The following HEBP2 variants were observed in gnomAD, a reference collection of about 807,000 sequenced individuals.
The protein encoded by HEBP2 is heme binding protein 2, also known as heme-binding protein 2.
HEBP2 carries 27 observed loss-of-function variants against 23.1 expected under a neutral mutation model. The observed-to-expected ratio is 1.17, with a 90% CI of 0.86 to 1.61. The LOEUF (loss-of-function observed/expected upper bound fraction) is 1.61, where lower values mean the gene tolerates loss of function less well. Among genes scored for constraint, HEBP2 ranks in the 40% most tolerant of loss-of-function variants. The pLI is 0.00. For synonymous variants in HEBP2, 99 were observed against 95.1 expected (o/e 1.04, Z -0.24); for missense variants, 245 against 253.8 (o/e 0.97, Z 0.24).
chr6:138,412,175 C>T (rs549635290), intron 3 of HEBP2: 53 of 382,876 alleles, frequency 1.4e-4, no homozygotes, highest in African/African-American at 9.4e-4. Context: ...TCAGCAGCAC[C>T]GGCATGGATG....
chr6:138,415,248 TG>T lies in HEBP2; in HGVS notation c.*2172del, dbSNP rs1259441247. The T allele has an allele frequency of 6.6e-6, 1 of 152,154 alleles. No individual in the cohort carries two copies. Among genetic ancestry groups the T allele is most frequent in the Admixed American group, 6.5e-5 (1 of 15,274 alleles). The allele number at this position is 152,154 out of a possible 1,614,324, so 9.4% of individuals were successfully genotyped here. A position where few individuals can be genotyped will look rare whatever the true frequency, so the allele number is the denominator to read the frequency against. On this transcript the variant is annotated 3_prime_UTR_variant, in exon 4 of 4. Coordinates refer to ENST00000607197, the MANE Select transcript of HEBP2 (RefSeq NM_014320.3). The stretch of plus-strand genomic sequence containing the variant: ...TCCTAACTCCATCTCAGCCTAAAAT[TG>T]GCACAATTGGTACCAGTGGCCCACG...
In HEBP2 at chr6:138,416,233, A is replaced by C. The variant is rs1346216751; in HGVS notation, c.*3155A>C. ...TCAGGATAGAGGATTTCACACCATG[A>C]GAAAAATGCCAGGAGATAATACAGA... On this transcript the variant is annotated 3_prime_UTR_variant, in exon 4 of 4. Coordinates refer to ENST00000607197, the MANE Select transcript of HEBP2 (RefSeq NM_014320.3). 6.6e-6 allele frequency: 1 copy of C among 152,308 alleles called. No homozygotes were observed. Among genetic ancestry groups the C allele is most frequent in the African/African-American group, 2.4e-5 (1 of 41,464 alleles). The allele number at this position is 152,308 out of a possible 1,614,324, so 9.4% of individuals were successfully genotyped here.
rs766368001 is a variant in HEBP2, at chr6:138,417,015, G to T, written c.*3937G>T. On this transcript the variant is annotated 3_prime_UTR_variant, in exon 4 of 4. Coordinates refer to ENST00000607197, the MANE Select transcript of HEBP2 (RefSeq NM_014320.3). ...AGGATCTATGGCCATTTACTCAGGT[G>T]GCTCTACCCTGGGGAAAGAGGAATA... is the stretch of plus-strand genomic sequence containing the variant. 6.6e-6 allele frequency: 1 copy of T among 152,098 alleles called. No individual in the cohort carries two copies. The highest frequency in any genetic ancestry group is 1.5e-5 in the Non-Finnish European group (1 of 68,040). 9.4% of individuals were successfully genotyped at this position (152,098 alleles called of 1,614,324 possible). A position where few individuals can be genotyped will look rare whatever the true frequency, so the allele number is the denominator to read the frequency against.
chr6:138,421,760 A>C lies in HEBP2; in HGVS notation c.*8682A>C, dbSNP rs1047786741. ...GTAAGAAGTTCTCACGTCTCTCCACATGCCACGTCATCTGAACCGCCAGGC... is the reference window on the plus strand; with the variant it reads ...GTAAGAAGTTCTCACGTCTCTCCACCTGCCACGTCATCTGAACCGCCAGGC... On this transcript the variant is annotated 3_prime_UTR_variant, in exon 4 of 4. Transcript: ENST00000607197. The C allele has an allele frequency of 1.3e-5, 2 of 152,182 alleles. No homozygotes were observed. Among genetic ancestry groups the C allele is most frequent in the Non-Finnish European group, 2.9e-5 (2 of 68,040 alleles). The allele number at this position is 152,182 out of a possible 1,614,324, so 9.4% of individuals were successfully genotyped here. A position where few individuals can be genotyped will look rare whatever the true frequency, so the allele number is the denominator to read the frequency against.
Position 138,421,266 on chromosome 6 carries a change from C to T in HEBP2, c.*8188C>T, listed in dbSNP as rs1774924375. 6.6e-6 allele frequency: 1 copy of T among 151,216 alleles called. No homozygotes were observed. Among genetic ancestry groups the T allele is most frequent in the African/African-American group, 2.4e-5 (1 of 41,136 alleles). The allele number at this position is 151,216 out of a possible 1,614,324, so 9.4% of individuals were successfully genotyped here. The stretch of plus-strand genomic sequence containing the variant: ...CCCTACTACGGCAGAACCAAGAAAG[C>T]CACTCTTTCCCCTCTCCTCCTAAGA... On this transcript the variant is annotated 3_prime_UTR_variant, in exon 4 of 4. Coordinates refer to ENST00000607197, the MANE Select transcript of HEBP2 (RefSeq NM_014320.3).
At chr6:138,405,388 A>C in intron 2 of HEBP2, 108 bp downstream of exon 2, 1 of 1,377,188 alleles carries the variant, frequency 7.3e-7, no homozygotes, top group Non-Finnish European at 1.0e-6. Context: ...AAAATAAGCA[A>C]GTCATCAAAG....
rs113854920 is a variant in HEBP2, at chr6:138,405,081, A to G, written c.103-64A>G. 912 of 1,562,156 alleles carry G rather than the reference A, an allele frequency of 5.8e-4. 5 individuals carry two copies. In the Middle Eastern group the frequency reaches 6.6e-3, roughly 11 times the overall value. ...GTCGACCCGAGATCATGGCACCGGT[A>G]TTTTTGCATCTCACTCCTACCCTCT... On this transcript the variant is annotated intron_variant, in intron 1 of 3. Transcript: ENST00000607197.
Position 138,416,769 on chromosome 6 carries a change from G to A in HEBP2, c.*3691G>A, listed in dbSNP as rs1357000721. 2 of 152,186 alleles carry A rather than the reference G, an allele frequency of 1.3e-5. No homozygotes were observed. The highest frequency in any genetic ancestry group is 4.8e-5 in the African/African-American group (2 of 41,444). The allele number at this position is 152,186 out of a possible 1,614,324, so 9.4% of individuals were successfully genotyped here. On this transcript the variant is annotated 3_prime_UTR_variant, in exon 4 of 4. Coordinates refer to ENST00000607197, the MANE Select transcript of HEBP2 (RefSeq NM_014320.3). ...CAAAAGAGCTGACTAATCAACAAGG[G>A]TAAGGCTTTATATATAATCAAAAGT... is the stretch of plus-strand genomic sequence containing the variant.
rs1774808085 is a variant in HEBP2 at position 138,414,474 on chromosome 6, G to A, written c.*1396G>A. The A allele has an allele frequency of 6.6e-6, 1 of 152,162 alleles. No homozygotes were observed. The highest frequency in any genetic ancestry group is 2.1e-4 in the South Asian group (1 of 4,826). 9.4% of individuals were successfully genotyped at this position (152,162 alleles called of 1,614,324 possible). On this transcript the variant is annotated 3_prime_UTR_variant, in exon 4 of 4. Coordinates refer to ENST00000607197, the MANE Select transcript of HEBP2 (RefSeq NM_014320.3). ...GTTTCTGGTACTTAATTGCTACTGT[G>A]GCCAAAGGATGGTCAGTTTTATTCA...
At chr6:138,408,707 C>A (rs949538325) in intron 3 of HEBP2, among the ~76,000 whole-genome samples, 3 of 150,544 alleles carry the variant, frequency 2.0e-5, no homozygotes, top group African/African-American at 7.5e-5. Context: ...TGTCATTTCT[C>A]CTGTCCCATT....
intron 3 of HEBP2, chr6:138,412,334 T>C (rs1774761010): frequency 4.3e-6 from 1 of 232,748 alleles, no homozygotes; most frequent in East Asian, 1.5e-4. Context: ...AATCCACCTG[T>C]CAACAGATGG....
At position 138,405,181 on chromosome 6, in the gene HEBP2, A is replaced by T. The variant is rs142901131; in HGVS notation, c.139A>T (p.Lys47Ter). ...SYEIRHYGPA[K>*]WVSTSVESMD... ...TGAGATCCGACACTATGGACCAGCC[A>T]AGTGGGTCAGCACGTCCGTGGAGTC... Residue 47 changes from lysine to a stop codon, truncating the protein, a stop_gained, in exon 2 of 4, where the codon AAG (lysine) becomes TAG (stop). Transcript: ENST00000607197. LOFTEE classifies it high-confidence loss of function. 4.3e-5 allele frequency: 69 copies of T among 1,614,072 alleles called. 1 individual carries two copies. In the Admixed American group the frequency reaches 9.2e-4, roughly 21 times the overall value.
intron 3 of HEBP2, among the ~76,000 whole-genome samples, chr6:138,406,905 C>T (rs946826827): frequency 1.3e-5 from 2 of 151,972 alleles, no homozygotes; most frequent in Admixed American, 6.6e-5. Flanking sequence ...GTGGCACATG[C>T]CTGTGGTCCC....
intron 3 of HEBP2, among the ~76,000 whole-genome samples, chr6:138,408,147 A>AG (rs1377552530): frequency 6.6e-6 from 1 of 152,156 alleles, no homozygotes; most frequent in African/African-American, 2.4e-5. Flanking sequence ...TCCTTATCAA[A>AG]GGGTTGCTTG....
chr6:138,419,523 C>A lies in HEBP2; in HGVS notation c.*6445C>A, dbSNP rs757184205. On this transcript the variant is annotated 3_prime_UTR_variant, in exon 4 of 4. Coordinates refer to ENST00000607197, the MANE Select transcript of HEBP2 (RefSeq NM_014320.3). Reference sequence around the variant, plus strand: ...CACCCAATCAGGGAGAGTTCGCCAGCGGTCATAGGATCCACTGCTCCTATC... The same window carrying A: ...CACCCAATCAGGGAGAGTTCGCCAGAGGTCATAGGATCCACTGCTCCTATC... 6.6e-6 allele frequency: 1 copy of A among 151,814 alleles called. No homozygotes were observed. The highest frequency in any genetic ancestry group is 2.4e-5 in the African/African-American group (1 of 41,106). The allele number at this position is 151,814 out of a possible 1,614,324, so 9.4% of individuals were successfully genotyped here.
chr6:138,412,774 C>T lies in HEBP2; in HGVS notation c.420-106C>T, dbSNP rs895282663. ...TGGCCGAGAGGGAGTAACTTTGGAG[C>T]TGCACTTCACTCAGCATTCACGGTA... On this transcript the variant is annotated intron_variant, in intron 3 of 3. Coordinates refer to ENST00000607197, the MANE Select transcript of HEBP2 (RefSeq NM_014320.3). 1.7e-5 allele frequency: 16 copies of T among 928,704 alleles called. No homozygotes were observed. In the African/African-American group the frequency reaches 2.5e-4, roughly 14 times the overall value. 57.5% of individuals were successfully genotyped at this position (928,704 alleles called of 1,614,324 possible).
At position 138,417,102 on chromosome 6, in the gene HEBP2, T is replaced by C. The variant is rs1774852441; in HGVS notation, c.*4024T>C. Reference sequence around the variant, plus strand: ...CCAGAAACCCAAAGAGTCATTACAGTTCCTCCTCCTCCCATTAAAATGGGA... The same window carrying C: ...CCAGAAACCCAAAGAGTCATTACAGCTCCTCCTCCTCCCATTAAAATGGGA... On this transcript the variant is annotated 3_prime_UTR_variant, in exon 4 of 4. Coordinates refer to ENST00000607197, the MANE Select transcript of HEBP2 (RefSeq NM_014320.3). The C allele has an allele frequency of 1.3e-5, 2 of 152,192 alleles. No homozygotes were observed. Among genetic ancestry groups the C allele is most frequent in the Admixed American group, 1.3e-4 (2 of 15,284 alleles). 9.4% of individuals were successfully genotyped at this position (152,192 alleles called of 1,614,324 possible).
Position 138,414,278 on chromosome 6 carries a change from G to T in HEBP2, c.*1200G>T, listed in dbSNP as rs942063026. On this transcript the variant is annotated 3_prime_UTR_variant, in exon 4 of 4. Coordinates refer to ENST00000607197, the MANE Select transcript of HEBP2 (RefSeq NM_014320.3). ...CACGGTCTCTCGGATAAAGAAAACT[G>T]CGGACCTTATGCAGGGTTTTAGGAA... is the stretch of plus-strand genomic sequence containing the variant. The T allele has an allele frequency of 3.3e-5, 5 of 152,228 alleles. No homozygotes were observed. The highest frequency in any genetic ancestry group is 1.2e-4 in the African/African-American group (5 of 41,450). 9.4% of individuals were successfully genotyped at this position (152,228 alleles called of 1,614,324 possible).
chr6:138,406,664 T>C (rs1312477282), intron 3 of HEBP2, among the ~76,000 whole-genome samples: 1 of 152,180 alleles, frequency 6.6e-6, no homozygotes, highest in Non-Finnish European at 1.5e-5. Context: ...GGCAGCTTTA[T>C]TGGACATGTT....
Sources: allele counts gnomAD v4.1 joint callset (sites outside exome capture counted in the v4.1 genomes callset), GRCh38; gene constraint gnomAD v4.1.1; transcripts MANE v1.5; gene names NCBI Gene and HGNC (gene_info 2026-07-23, HGNC 2026-07-21).